The following CHM variants were observed in gnomAD, a reference collection of about 807,000 sequenced individuals.
CHM encodes the protein rab proteins geranylgeranyltransferase component A 1.
In CHM, 10 loss-of-function variants were observed where a neutral mutation model predicts 49.0. That is an observed-to-expected ratio of 0.20 (90% CI 0.13 to 0.35). The LOEUF (loss-of-function observed/expected upper bound fraction) is 0.35. CHM is among the 10% of genes least tolerant of loss of function. The pLI is 1.00. For missense variants in CHM, 455 were observed against 478.4 expected (o/e 0.95, Z 0.46); for synonymous variants, 184 against 167.5 (o/e 1.10, Z -0.76).
At chrX:85,880,935 G>T (rs753898607) in intron 12 of CHM, among the ~76,000 whole-genome samples, 1 of 111,518 alleles carries the variant, frequency 9.0e-6, no homozygotes, top group Non-Finnish European at 1.9e-5. Context: ...AATTCATTTT[G>T]GTTCTCTTCA....
chrX:86,033,843 A>G (rs1438759907), intron 1 of CHM, among the ~76,000 whole-genome samples: 1 of 112,238 alleles, frequency 8.9e-6, no homozygotes, highest in African/African-American at 3.2e-5. Context: ...AATACTAAAT[A>G]TTAGTAAATG....
At position 85,989,733 on chromosome X, in the gene CHM, TG is replaced by T. The variant is rs756806209; in HGVS notation, c.117-7925del. 5.9e-4 allele frequency among the ~76,000 whole-genome samples: 56 copies of T among 94,408 alleles called. No homozygotes were observed. The Middle Eastern group carries it at 0.016, about 27-fold the overall frequency. 82.0% of individuals were successfully genotyped at this position (94,408 alleles called of 115,157 possible). ...AAACATACATGTAGTCAATAGCATA[TG>T]GAAAAAAAACTCAATATTACTAATC... On this transcript the variant is annotated intron_variant, in intron 2 of 14. Coordinates refer to ENST00000357749, the MANE Select transcript of CHM (RefSeq NM_000390.4).
intron 3 of CHM, among the ~76,000 whole-genome samples, chrX:85,981,070 G>T (rs184078416): frequency 2.7e-3 from 292 of 107,305 alleles, no homozygotes; most frequent in African/African-American, 9.6e-3. Context: ...GTAAATGTGA[G>T]ATTTTATAAG....
chrX:85,983,245 G>A (rs4828128), intron 2 of CHM, among the ~76,000 whole-genome samples: 48,867 of 109,489 alleles, frequency 0.45, 9,327 homozygotes, highest in Non-Finnish European at 0.59. Flanking sequence ...GTAAATTCAT[G>A]CACTGTCCAG....
intron 12 of CHM, among the ~76,000 whole-genome samples, chrX:85,889,547 A>C (rs949280626): frequency 8.9e-6 from 1 of 111,890 alleles, no homozygotes; most frequent in Admixed American, 9.5e-5. Flanking sequence ...AAAATGCAAA[A>C]AATAACAGAT....
At chrX:85,988,356 CAAAAT>C (rs1385315886) in intron 2 of CHM, among the ~76,000 whole-genome samples, 4 of 111,734 alleles carry the variant, frequency 3.6e-5, no homozygotes, top group Non-Finnish European at 7.5e-5. Context: ...GAATACATCT[CAAAAT>C]AATAAGAACA....
chrX:85,867,675 T>C (rs1341258780), intron 14 of CHM, among the ~76,000 whole-genome samples: 1 of 111,953 alleles, frequency 8.9e-6, no homozygotes, highest in Non-Finnish European at 1.9e-5. Flanking sequence ...TTAGCAGTTA[T>C]GTGATTTGGG....
intron 11 of CHM, among the ~76,000 whole-genome samples, chrX:85,899,016 A>G (rs1414851646): frequency 8.9e-6 from 1 of 112,580 alleles, no homozygotes; most frequent in Non-Finnish European, 1.9e-5. Flanking sequence ...AATTGTTACA[A>G]ATGAATTGAC....
chrX:85,920,581 A>G, intron 8 of CHM, among the ~76,000 whole-genome samples: 1 of 112,458 alleles, frequency 8.9e-6, no homozygotes, highest in African/African-American at 3.2e-5. Flanking sequence ...ACAAATAATA[A>G]TCACAACTAG....
chrX:85,880,433 T>G (rs7053209), intron 12 of CHM, among the ~76,000 whole-genome samples: 4,438 of 111,519 alleles, frequency 0.04, 188 homozygotes, highest in African/African-American at 0.12. Flanking sequence ...CCATAGGAGA[T>G]AATCTATCCT....
intron 2 of CHM, among the ~76,000 whole-genome samples, chrX:85,998,019 A>G (rs1470573972): frequency 9.0e-6 from 1 of 111,466 alleles, no homozygotes; most frequent in Non-Finnish European, 1.9e-5. Context: ...TTCAAGCTAC[A>G]CTTTGAAATG....
intron 2 of CHM, among the ~76,000 whole-genome samples, chrX:86,002,837 T>C (rs904481830): frequency 8.9e-6 from 1 of 112,238 alleles, no homozygotes; most frequent in Admixed American, 9.4e-5. Flanking sequence ...GCAGACAACT[T>C]CTGCAGACTT....
chrX:85,864,381 T>C lies in CHM; in HGVS notation c.*249A>G, dbSNP rs144996206. 8.8e-3 allele frequency: 3,276 copies of C among 373,631 alleles called. 107 individuals carry two copies. Among genetic ancestry groups the C allele is most frequent in the African/African-American group, 0.075 (2,950 of 39,148 alleles). 30.8% of individuals were successfully genotyped at this position (373,631 alleles called of 1,213,427 possible). A position where few individuals can be genotyped will look rare whatever the true frequency, so the allele number is the denominator to read the frequency against. On this transcript the variant is annotated 3_prime_UTR_variant, in exon 15 of 15. Transcript: ENST00000357749. ...CCACAGTTACATTCCTGAGAATCAA[T>C]TGATTTATAATTTTCATCTGCTAGT...
chrX:85,953,086 T>C (rs1929831999), intron 8 of CHM, among the ~76,000 whole-genome samples: 1 of 112,454 alleles, frequency 8.9e-6, no homozygotes, highest in African/African-American at 3.2e-5. Context: ...TTGCAGGGTA[T>C]AAAATCAACA....
chrX:86,006,491 T>C (rs62607866), intron 2 of CHM, among the ~76,000 whole-genome samples: 18,992 of 111,203 alleles, frequency 0.17, 1,541 homozygotes, highest in Non-Finnish European at 0.25. Flanking sequence ...TTGCAGATGA[T>C]GTGATTGTAT....
At chrX:85,933,389 C>T (rs1466397402) in intron 8 of CHM, among the ~76,000 whole-genome samples, 1 of 111,198 alleles carries the variant, frequency 9.0e-6, no homozygotes, top group African/African-American at 3.3e-5. Flanking sequence ...CATAATAACC[C>T]CATGATATAG....
chrX:85,947,862 T>C (rs1348436170), intron 8 of CHM, among the ~76,000 whole-genome samples: 2 of 111,999 alleles, frequency 1.8e-5, no homozygotes, highest in African/African-American at 6.5e-5. Context: ...TGGTGATAAT[T>C]TACATGATTT....
At chrX:85,983,866 T>C (rs967173417) in intron 2 of CHM, among the ~76,000 whole-genome samples, 1 of 111,714 alleles carries the variant, frequency 9.0e-6, no homozygotes, top group African/African-American at 3.3e-5. Flanking sequence ...TTTTAATAAA[T>C]GAATGGGCCA....
chrX:85,904,931 G>A (rs1461231835), intron 9 of CHM, among the ~76,000 whole-genome samples: 1 of 111,772 alleles, frequency 8.9e-6, no homozygotes, highest in East Asian at 2.8e-4. Context: ...ATTGTATATA[G>A]TCAATGTGTA....
Sources: gnomAD v4.1 joint callset for allele counts (sites outside exome capture counted in the v4.1 genomes callset) on GRCh38, gnomAD v4.1.1 for gene constraint, MANE v1.5 for transcripts, NCBI Gene and HGNC (gene_info 2026-07-23, HGNC 2026-07-21) for gene names.